The following SMG6 variants were observed in gnomAD, a reference collection of about 807,000 sequenced individuals.
The protein encoded by SMG6 is telomerase-binding protein EST1A.
Under a neutral mutation model 142.2 loss-of-function variants are expected in SMG6, and 66 were observed. The observed-to-expected ratio is 0.46, with a 90% CI of 0.38 to 0.57. The LOEUF is 0.57. Among genes scored for constraint, SMG6 ranks in the 20% least tolerant of loss-of-function variants. SMG6 has a pLI of 0.00. For synonymous variants in SMG6, 779 were observed against 702.4 expected (o/e 1.11, Z -1.72); for missense variants, 1,793 against 1,832.0 (o/e 0.98, Z 0.39).
chr17:2,260,933 T>G (rs1055450158), intron 8 of SMG6, among the ~76,000 whole-genome samples: 2 of 149,718 alleles, frequency 1.3e-5, no homozygotes, highest in African/African-American at 5.0e-5. Context: ...GAGGCGGAGG[T>G]TGCAGTGAGA....
intron 13 of SMG6, among the ~76,000 whole-genome samples, chr17:2,143,734 T>C (rs1354145478): frequency 1.3e-5 from 2 of 152,232 alleles, no homozygotes; most frequent in Non-Finnish European, 2.9e-5. Flanking sequence ...GTGAATCATA[T>C]CTCAATAAAT....
At chr17:2,088,603 T>C in intron 13 of SMG6, 3 of 985,426 alleles carry the variant, frequency 3.0e-6, no homozygotes, top group Non-Finnish European at 3.6e-6. Flanking sequence ...TCTACCTGTT[T>C]GGAGAGAGAA....
intron 13 of SMG6, among the ~76,000 whole-genome samples, chr17:2,110,305 C>T (rs188383203): frequency 1.8e-4 from 28 of 152,048 alleles, no homozygotes; most frequent in African/African-American, 5.3e-4. Context: ...ATACAAAGGC[C>T]GAATTTTAAA....
At chr17:2,114,959 T>TAAAATATAAAATAAA (rs1491429098) in intron 13 of SMG6, among the ~76,000 whole-genome samples, 2 of 73,254 alleles carry the variant, frequency 2.7e-5, no homozygotes, top group Non-Finnish European at 5.2e-5. Context: ...AATAAAAAAA[T>TAAAATATAAAATAAA]GAAATGAAAT....
intron 8 of SMG6, among the ~76,000 whole-genome samples, chr17:2,248,967 A>G (rs1255689288): frequency 1.3e-5 from 2 of 151,376 alleles, no homozygotes; most frequent in African/African-American, 4.8e-5. Flanking sequence ...GCTCACTGCA[A>G]GCTCCGCCTC....
At chr17:2,147,640 G>C (rs189000674) in intron 13 of SMG6, among the ~76,000 whole-genome samples, 59 of 152,182 alleles carry the variant, frequency 3.9e-4, no homozygotes, top group African/African-American at 1.3e-3. Context: ...AATCAACTGA[G>C]AAAGGAGAAA....
chr17:2,211,355 A>G (rs150228505), intron 10 of SMG6, among the ~76,000 whole-genome samples: 231 of 152,264 alleles, frequency 1.5e-3, no homozygotes, highest in Middle Eastern at 6.8e-3. Context: ...TTGGCACCCT[A>G]AAGAAAATAA....
At chr17:2,238,309 T>C (rs2073717193) in intron 9 of SMG6, among the ~76,000 whole-genome samples, 1 of 152,140 alleles carries the variant, frequency 6.6e-6, no homozygotes, top group South Asian at 2.1e-4. Context: ...TTGCTTTTTT[T>C]CTCCACATGC....
chr17:2,129,793 CAAAAAAAAAA>C (rs57556112), intron 13 of SMG6, among the ~76,000 whole-genome samples: 15 of 56,332 alleles, frequency 2.7e-4, no homozygotes, highest in Non-Finnish European at 3.6e-4. Flanking sequence ...GGCTCTGTCT[CAAAAAAAAAA>C]AAAAAAAAAA....
chr17:2,114,384 G>T (rs1231575001), intron 13 of SMG6, among the ~76,000 whole-genome samples: 1 of 152,050 alleles, frequency 6.6e-6, no homozygotes, highest in Non-Finnish European at 1.5e-5. Flanking sequence ...CCATTGAAAT[G>T]ACTAAAAATA....
intron 15 of SMG6, among the ~76,000 whole-genome samples, chr17:2,079,113 G>A (rs967421843): frequency 4.6e-5 from 7 of 152,090 alleles, no homozygotes; most frequent in African/African-American, 1.2e-4. Context: ...ACAGGCACCC[G>A]CCACCACACC....
rs144318282 is a variant in SMG6, at chr17:2,220,503, G to A, written c.2869+15989C>T. Among the ~76,000 whole-genome samples the A allele has an allele frequency of 2.6e-3, 397 of 152,208 alleles. 17 individuals carry two copies. In the East Asian group the frequency reaches 0.053, roughly 20 times the overall value. Reference sequence around the variant, plus strand: ...AAATTAGCTGAGCGTAGTGGCATGCGCTTGTAGTCCCAGCTACTTGGGAGG... The same window carrying A: ...AAATTAGCTGAGCGTAGTGGCATGCACTTGTAGTCCCAGCTACTTGGGAGG... On this transcript the variant is annotated intron_variant, in intron 10 of 18. Coordinates refer to ENST00000263073, the MANE Select transcript of SMG6 (RefSeq NM_017575.5).
chr17:2,113,345 G>A (rs2069399686), intron 13 of SMG6, among the ~76,000 whole-genome samples: 1 of 152,094 alleles, frequency 6.6e-6, no homozygotes, highest in African/African-American at 2.4e-5. Context: ...CAGCGTGCTT[G>A]GGTAACAGGC....
At chr17:2,096,188 C>T (rs2068850057) in intron 13 of SMG6, among the ~76,000 whole-genome samples, 1 of 152,004 alleles carries the variant, frequency 6.6e-6, no homozygotes, top group African/African-American at 2.4e-5. Context: ...ACCACAGAGG[C>T]ACACCACTTA....
Position 2,184,960 on chromosome 17 carries a change from C to CAAAAAAAAA in SMG6, c.3155+1694_3155+1702dup, listed in dbSNP as rs58230459. Among the ~76,000 whole-genome samples, 66 of 22,476 alleles carry CAAAAAAAAA rather than the reference C, an allele frequency of 2.9e-3. 20 individuals are homozygous for CAAAAAAAAA. Among genetic ancestry groups the CAAAAAAAAA allele is most frequent in the South Asian group, 0.017 (4 of 240 alleles). The allele number at this position is 22,476 out of a possible 152,430, so 14.7% of individuals were successfully genotyped here. A position where few individuals can be genotyped will look rare whatever the true frequency, so the allele number is the denominator to read the frequency against. ...TGGGAGACAGAGCGGGACTCCATCT[C>CAAAAAAAAA]AAAAAAAAAAAAAAAAAAAAAAAAA... On this transcript the variant is annotated intron_variant, in intron 12 of 18. Coordinates refer to ENST00000263073, the MANE Select transcript of SMG6 (RefSeq NM_017575.5).
At chr17:2,100,745 C>T (rs1457912811) in intron 13 of SMG6, among the ~76,000 whole-genome samples, 1 of 152,042 alleles carries the variant, frequency 6.6e-6, no homozygotes. Context: ...TGGGGTCTCG[C>T]GATATTGAAC....
intron 13 of SMG6, among the ~76,000 whole-genome samples, chr17:2,153,573 T>C (rs1002483214): frequency 1.3e-5 from 2 of 152,158 alleles, no homozygotes; most frequent in Non-Finnish European, 2.9e-5. Context: ...CTCCACGCGG[T>C]GACTGGGGGA....
chr17:2,227,352 A>C (rs1400784049), intron 10 of SMG6, among the ~76,000 whole-genome samples: 2 of 152,258 alleles, frequency 1.3e-5, no homozygotes, highest in Non-Finnish European at 1.5e-5. Flanking sequence ...CTGGATAAAC[A>C]AAACTACACA....
At chr17:2,268,040 C>T (rs1264200438) in intron 8 of SMG6, among the ~76,000 whole-genome samples, 5 of 152,192 alleles carry the variant, frequency 3.3e-5, no homozygotes, top group African/African-American at 1.2e-4. Flanking sequence ...AGCCACTGCA[C>T]CCAGCCTTAT....
Sources: allele counts gnomAD v4.1 joint callset (sites outside exome capture counted in the v4.1 genomes callset), GRCh38; gene constraint gnomAD v4.1.1; transcripts MANE v1.5; gene names NCBI Gene and HGNC (gene_info 2026-07-23, HGNC 2026-07-21).